SLC25A48: variants seen among roughly 807,000 people sequenced by gnomAD.
SLC25A48 encodes solute carrier family 25 member 48, also known as CTC-321K16.1.
In SLC25A48, 29 loss-of-function variants were observed where a neutral mutation model predicts 32.2. That is an observed-to-expected ratio of 0.90 (90% CI 0.67 to 1.23). The LOEUF (loss-of-function observed/expected upper bound fraction) is 1.23. SLC25A48 is among the 50% of genes most tolerant of loss of function. The pLI, the probability that SLC25A48 is intolerant of heterozygous loss-of-function variation, is 0.00. For missense variants in SLC25A48, 399 were observed against 422.7 expected (o/e 0.94, Z 0.49); for synonymous variants, 164 against 172.3 (o/e 0.95, Z 0.38).
At chr5:135,651,236 A>G (rs965771166) in intron 3 of SLC25A48, among the ~76,000 whole-genome samples, 2 of 152,052 alleles carry the variant, frequency 1.3e-5, no homozygotes, top group Non-Finnish European at 2.9e-5. Context: ...CCTTTTCCCA[A>G]TGCCTTGCTC....
chr5:135,870,726 C>A (rs1761568094), intron 4 of SLC25A48, among the ~76,000 whole-genome samples: 2 of 152,130 alleles, frequency 1.3e-5, no homozygotes, highest in South Asian at 2.1e-4. Flanking sequence ...ACGTTTTAAG[C>A]CCCTACAATG....
rs901998892 is a variant in SLC25A48, at chr5:135,629,539, C to T, written c.-709+163C>T. The stretch of plus-strand genomic sequence containing the variant: ...GACTTGGCCTCTAATCCCAAGAGAC[C>T]CTGGGAGGTGGGGGTGGAATGTGGA... On this transcript the variant is annotated intron_variant, in intron 2 of 10. Coordinates refer to the SLC25A48 transcript ENST00000646290. This position sits in a 1 kb window ranked among gnomAD's most constrained non-coding sequence, Gnocchi z 4.8. 6.6e-6 allele frequency among the ~76,000 whole-genome samples: 1 copy of T among 152,070 alleles called. No homozygotes were observed. The highest frequency in any genetic ancestry group is 2.4e-5 in the African/African-American group (1 of 41,394).
rs138678379 is a variant in SLC25A48 at position 135,644,064 on chromosome 5, C to T, written c.-521+9108C>T. Among the ~76,000 whole-genome samples, 652 of 152,202 alleles carry T rather than the reference C, an allele frequency of 4.3e-3. 3 individuals carry two copies. The highest frequency in any genetic ancestry group is 7.4e-3 in the Non-Finnish European group (506 of 68,008). On this transcript the variant is annotated intron_variant, in intron 3 of 10. Transcript: ENST00000646290. ...TATGATAAGCATTTGATGTTACACA[C>T]TGTGCTATGGAGGGGCCAAGGAGGT...
intron 1 of SLC25A48, among the ~76,000 whole-genome samples, chr5:135,593,667 C>A (rs1374843235): frequency 6.6e-6 from 1 of 151,586 alleles, no homozygotes; most frequent in African/African-American, 2.4e-5. Flanking sequence ...CTGTGAGAAC[C>A]TGACATCCAG....
At chr5:135,887,997 T>C (rs1762795680) in intron 7 of SLC25A48, 35 bp from the exon 8 acceptor site, 1 of 1,547,986 alleles carries the variant, frequency 6.5e-7, no homozygotes, top group Non-Finnish European at 8.7e-7. Flanking sequence ...TTTGCCTGCC[T>C]TCTTCTCTGA....
At chr5:135,762,874 G>A (rs1212129012) in intron 3 of SLC25A48, among the ~76,000 whole-genome samples, 3 of 152,102 alleles carry the variant, frequency 2.0e-5, no homozygotes, top group Non-Finnish European at 4.4e-5. Flanking sequence ...GTGTGTGAGT[G>A]TGAGAAACAG....
intron 1 of SLC25A48, among the ~76,000 whole-genome samples, chr5:135,579,783 A>C (rs1751191424): frequency 6.6e-6 from 1 of 152,068 alleles, no homozygotes; most frequent in African/African-American, 2.4e-5. Flanking sequence ...CCTAGTGGAG[A>C]GCGATGACAG....
intron 1 of SLC25A48, among the ~76,000 whole-genome samples, chr5:135,842,077 A>G (rs1418012413): frequency 6.6e-6 from 1 of 152,146 alleles, no homozygotes; most frequent in African/African-American, 2.4e-5. Context: ...AGAATCTTAT[A>G]GTTTTGCTCT....
chr5:135,759,039 T>C (rs1354497058), intron 3 of SLC25A48, among the ~76,000 whole-genome samples: 1 of 151,872 alleles, frequency 6.6e-6, no homozygotes, highest in Non-Finnish European at 1.5e-5. Context: ...GTTGACACAC[T>C]ATAATATTAA....
chr5:135,837,849 C>T (rs1230882585), intron 1 of SLC25A48, among the ~76,000 whole-genome samples: 1 of 152,136 alleles, frequency 6.6e-6, no homozygotes, highest in East Asian at 1.9e-4. Context: ...TCTTTATTAG[C>T]AGAATAAGAA....
chr5:135,879,318 T>G (rs1762269350), intron 6 of SLC25A48, among the ~76,000 whole-genome samples: 1 of 152,174 alleles, frequency 6.6e-6, no homozygotes. Flanking sequence ...CTGAAAAGCC[T>G]CATCTCATTT....
intron 3 of SLC25A48, among the ~76,000 whole-genome samples, chr5:135,716,433 CTT>C: frequency 6.6e-6 from 1 of 152,284 alleles, no homozygotes; most frequent in East Asian, 1.9e-4. Flanking sequence ...CTATTGCTGA[CTT>C]ATGCTCTCTG....
At chr5:135,753,760 C>T (rs985683656) in intron 3 of SLC25A48, among the ~76,000 whole-genome samples, 3 of 151,568 alleles carry the variant, frequency 2.0e-5, no homozygotes, top group Admixed American at 2.0e-4. Flanking sequence ...TGGTTGTACA[C>T]CCTGTGTGTA....
At chr5:135,588,056 C>T (rs773324592) in intron 1 of SLC25A48, among the ~76,000 whole-genome samples, 64 of 152,330 alleles carry the variant, frequency 4.2e-4, no homozygotes, top group Admixed American at 7.2e-4. Flanking sequence ...CTCAGAACCA[C>T]GGAAAGCAGG....
intron 4 of SLC25A48, among the ~76,000 whole-genome samples, chr5:135,863,767 C>T (rs767432815): frequency 6.6e-6 from 1 of 152,036 alleles, no homozygotes; most frequent in Non-Finnish European, 1.5e-5. Context: ...AACTCTATGA[C>T]CCCTAGAAAC....
At chr5:135,615,304 A>G (rs1188894305) in intron 1 of SLC25A48, among the ~76,000 whole-genome samples, 1 of 152,226 alleles carries the variant, frequency 6.6e-6, no homozygotes, top group Non-Finnish European at 1.5e-5. Flanking sequence ...AAATGCTGAT[A>G]GTGATATGGA....
intron 4 of SLC25A48, among the ~76,000 whole-genome samples, chr5:135,869,503 T>C (rs17169246): frequency 0.067 from 10,250 of 152,252 alleles, 827 homozygotes; most frequent in African/African-American, 0.19. Flanking sequence ...ACAAGCAGAA[T>C]GTTATCAAGA....
At chr5:135,632,020 T>C (rs1374210446) in intron 2 of SLC25A48, among the ~76,000 whole-genome samples, 1 of 152,208 alleles carries the variant, frequency 6.6e-6, no homozygotes, top group Non-Finnish European at 1.5e-5. Context: ...CCTCTACCTA[T>C]GTGGTTCTTG....
At chr5:135,593,588 A>T (rs756191854) in intron 1 of SLC25A48, among the ~76,000 whole-genome samples, 4 of 152,224 alleles carry the variant, frequency 2.6e-5, no homozygotes, top group Non-Finnish European at 5.9e-5. Context: ...GGCTTCTCCC[A>T]GGAGGCAGAT....
Sources: allele counts gnomAD v4.1 joint callset (sites outside exome capture counted in the v4.1 genomes callset), GRCh38; gene constraint gnomAD v4.1.1; non-coding constraint Gnocchi (gnomAD v3.1); transcripts MANE v1.5; gene names NCBI Gene and HGNC (gene_info 2026-07-23, HGNC 2026-07-21).